MRAS: variants seen among roughly 807,000 people sequenced by gnomAD.
The protein encoded by MRAS is muscle RAS oncogene homolog.
MRAS carries 4 observed loss-of-function variants against 20.9 expected under a neutral mutation model. That is an observed-to-expected ratio of 0.19 (90% CI 0.09 to 0.44). The LOEUF (loss-of-function observed/expected upper bound fraction) is 0.44. Ranked by LOEUF, MRAS falls within the 20% of genes least tolerant of loss-of-function variation. MRAS has a pLI of 0.99. For synonymous variants in MRAS, 98 were observed against 102.9 expected, an observed-to-expected ratio of 0.95 and a Z score of 0.29; for missense variants, 154 against 277.5, an observed-to-expected ratio of 0.56 and a Z score of 3.16.
At chr3:138,382,776 T>C (rs532121719) in intron 2 of MRAS, among the ~76,000 whole-genome samples, 17 of 152,364 alleles carry the variant, frequency 1.1e-4, no homozygotes, top group African/African-American at 3.4e-4. Context: ...TTTTCCACTT[T>C]CCTTGCTGAC....
intron 1 of MRAS, among the ~76,000 whole-genome samples, chr3:138,356,930 C>G (rs961602690): frequency 1.9e-4 from 29 of 152,202 alleles, no homozygotes; most frequent in African/African-American, 6.8e-4. Flanking sequence ...TGGACAGCTG[C>G]CTGAATCCAC....
rs536671861 is a variant in MRAS, at chr3:138,349,429, T to A, written c.-19+662T>A. 3.3e-5 allele frequency: 5 copies of A among 152,188 alleles called. No homozygotes were observed. In the East Asian group the frequency reaches 7.8e-4, roughly 24 times the overall value. 9.4% of individuals were successfully genotyped at this position (152,188 alleles called of 1,614,324 possible). A position where few individuals can be genotyped will look rare whatever the true frequency, so the allele number is the denominator to read the frequency against. ...CAGGGGTTGTGGGAGCCCCTAGGGG[T>A]CCCTACTGCAGAGTGGGAGGTGAGA... On this transcript the variant is annotated intron_variant, in intron 1 of 5. Transcript: ENST00000423968.
chr3:138,368,611 C>T (rs1181652548), intron 1 of MRAS, among the ~76,000 whole-genome samples: 1 of 152,102 alleles, frequency 6.6e-6, no homozygotes, highest in Non-Finnish European at 1.5e-5. Flanking sequence ...AGGGTCACAT[C>T]CATCATCCTC....
intron 1 of MRAS, chr3:138,349,684 G>C (rs551622957): frequency 6.6e-6 from 1 of 152,550 alleles, no homozygotes; most frequent in Non-Finnish European, 1.5e-5. Context: ...GCTCCTCTAG[G>C]ACTCACTCTG....
intron 2 of MRAS, among the ~76,000 whole-genome samples, chr3:138,387,094 G>C (rs2055032525): frequency 6.6e-6 from 1 of 152,194 alleles, no homozygotes; most frequent in East Asian, 1.9e-4. Flanking sequence ...CAATTCCTGA[G>C]CTGAGAGTGC....
At chr3:138,348,492 G>C (rs1003652095), upstream of MRAS, 1 of 152,138 alleles carries the variant, frequency 6.6e-6, no homozygotes, top group East Asian at 1.9e-4. Context: ...CACCCGGCCC[G>C]GGCTCCCCAC....
chr3:138,390,307 T>G (rs1164027569), intron 2 of MRAS, among the ~76,000 whole-genome samples: 2 of 152,168 alleles, frequency 1.3e-5, no homozygotes, highest in African/African-American at 4.8e-5. Context: ...CCTTGATCCC[T>G]TGTCCTCAAG....
chr3:138,365,683 A>G (rs1488713152), intron 1 of MRAS, among the ~76,000 whole-genome samples: 1 of 152,228 alleles, frequency 6.6e-6, no homozygotes, highest in Non-Finnish European at 1.5e-5. Flanking sequence ...AAGGATGGCC[A>G]CTAAGTGGGA....
chr3:138,382,688 A>G (rs1576370643), intron 2 of MRAS, among the ~76,000 whole-genome samples: 1 of 152,272 alleles, frequency 6.6e-6, no homozygotes, highest in African/African-American at 2.4e-5. Flanking sequence ...TGTGAGTGGA[A>G]TATGCAACTC....
chr3:138,350,284 G>T (rs2054200299), intron 1 of MRAS: 1 of 152,190 alleles, frequency 6.6e-6, no homozygotes, highest in Non-Finnish European at 1.5e-5. Context: ...TCCCTGCTGA[G>T]TGGGGCTGAA....
rs1361284189 is a variant in MRAS at position 138,363,822 on chromosome 3, C to A, written c.-18-9044C>A. Reference sequence around the variant, plus strand: ...CATGTGACCTGTTAGAGGATTTACCCCCCCCCCCCCCCAAACCACAGGGTA... The same window carrying A: ...CATGTGACCTGTTAGAGGATTTACCACCCCCCCCCCCCAAACCACAGGGTA... On this transcript the variant is annotated intron_variant, in intron 1 of 5. Transcript: ENST00000423968. 3.1e-3 allele frequency among the ~76,000 whole-genome samples: 271 copies of A among 88,632 alleles called. 6 individuals are homozygous for A. The highest frequency in any genetic ancestry group is 0.02 in the East Asian group (51 of 2,488). 58.1% of individuals were successfully genotyped at this position (88,632 alleles called of 152,430 possible).
At position 138,397,536 on chromosome 3, in the gene MRAS, G is replaced by GCT. The variant is rs371472549; in HGVS notation, c.347+74_347+75dup. On this transcript the variant is annotated intron_variant, in intron 3 of 5. Transcript: ENST00000423968. ...GAGGCCTGCGCCTGCCTCCTAGGGCGCTCTCTCTCTCTCTCTTTCTCTTTC... is the reference window on the plus strand; with the variant it reads ...GAGGCCTGCGCCTGCCTCCTAGGGCGCTCTCTCTCTCTCTCTCTTTCTCTTTC... 10,614 of 1,538,308 alleles carry GCT rather than the reference G, an allele frequency of 6.9e-3. 495 individuals carry two copies. In the Admixed American group the frequency reaches 0.17, roughly 24 times the overall value.
chr3:138,391,131 A>G (rs1009928086), intron 2 of MRAS, among the ~76,000 whole-genome samples: 2 of 152,012 alleles, frequency 1.3e-5, no homozygotes, highest in African/African-American at 2.4e-5. Flanking sequence ...GGCAATTTCT[A>G]CTTTTATTGA....
At chr3:138,397,641 A>G (rs1476160174) in intron 3 of MRAS, among the ~76,000 whole-genome samples, 164 bp downstream of exon 3, 1 of 152,184 alleles carries the variant, frequency 6.6e-6, no homozygotes, top group African/African-American at 2.4e-5. Context: ...AATCTGGTTT[A>G]TACTCATTTG....
At chr3:138,354,849 T>C (rs1162598745) in intron 1 of MRAS, among the ~76,000 whole-genome samples, 2 of 152,200 alleles carry the variant, frequency 1.3e-5, no homozygotes, top group Non-Finnish European at 2.9e-5. Flanking sequence ...GGAGCAATCA[T>C]AGCTTATCAC....
At chr3:138,394,744 C>T (rs535445632) in intron 2 of MRAS, among the ~76,000 whole-genome samples, 5 of 152,326 alleles carry the variant, frequency 3.3e-5, no homozygotes, top group Admixed American at 6.5e-5. Flanking sequence ...TTCCCCTAGA[C>T]GCTCAGGCCA....
intron 1 of MRAS, among the ~76,000 whole-genome samples, chr3:138,368,400 A>T (rs1445329056): frequency 6.6e-6 from 1 of 152,240 alleles, no homozygotes; most frequent in Non-Finnish European, 1.5e-5. Context: ...CATATCTCAC[A>T]CATTTTATTT....
chr3:138,394,254 C>T (rs964446018), intron 2 of MRAS, among the ~76,000 whole-genome samples: 1 of 152,132 alleles, frequency 6.6e-6, no homozygotes, highest in African/African-American at 2.4e-5. Context: ...GATATCAGAG[C>T]TGTAAGGACC....
At chr3:138,368,845 T>C (rs1455698330) in intron 1 of MRAS, among the ~76,000 whole-genome samples, 1 of 152,162 alleles carries the variant, frequency 6.6e-6, no homozygotes, top group Non-Finnish European at 1.5e-5. Context: ...GTGGTTCATA[T>C]CTCTTGGCGT....
Sources: gnomAD v4.1 joint callset for allele counts (sites outside exome capture counted in the v4.1 genomes callset) on GRCh38, gnomAD v4.1.1 for gene constraint, MANE v1.5 for transcripts, NCBI Gene and HGNC (gene_info 2026-07-23, HGNC 2026-07-21) for gene names.